GPI: variants seen among roughly 807,000 people sequenced by gnomAD.
The protein encoded by GPI is D-hexose-6-phosphate anomerase.
A neutral mutation model predicts 75.8 loss-of-function variants in GPI; 56 were observed. The observed-to-expected ratio is 0.74, with a 90% CI of 0.60 to 0.92. The LOEUF (loss-of-function observed/expected upper bound fraction) is 0.92. Among genes scored for constraint, GPI ranks in the 40% least tolerant of loss-of-function variants. GPI has a pLI of 0.00. For missense variants in GPI, 638 were observed against 741.0 expected (o/e 0.86, Z 1.61); for synonymous variants, 288 against 285.4 (o/e 1.01, Z -0.09).
At chr19:34,364,257 G>A (rs2074321889), upstream of GPI, among the ~76,000 whole-genome samples, 1 of 151,968 alleles carries the variant, frequency 6.6e-6, no homozygotes, top group Admixed American at 6.6e-5. Context: ...TTGAACTCCT[G>A]GCGTCAAGCT....
At chr19:34,369,088 G>A (rs959671485) in intron 4 of GPI, among the ~76,000 whole-genome samples, 5 of 148,642 alleles carry the variant, frequency 3.4e-5, no homozygotes, top group South Asian at 2.1e-4. Flanking sequence ...TCACTCTCTC[G>A]CCCAGAGTGG....
chr19:34,379,278 C>T (rs992802226), intron 7 of GPI, among the ~76,000 whole-genome samples: 2 of 152,214 alleles, frequency 1.3e-5, no homozygotes, highest in African/African-American at 4.8e-5. Context: ...CTTGGCCACA[C>T]CTATTTTATA....
At chr19:34,388,325 A>G (rs1030843631) in intron 9 of GPI, among the ~76,000 whole-genome samples, 3 of 152,178 alleles carry the variant, frequency 2.0e-5, no homozygotes, top group African/African-American at 7.2e-5. Context: ...AAATACAAAA[A>G]TTAGCCATGC....
chr19:34,381,455 T>G lies in GPI; in HGVS notation c.751-11T>G. The G allele has an allele frequency of 6.3e-7, 1 of 1,594,162 alleles. No individual in the cohort carries two copies. The highest frequency in any genetic ancestry group is 1.1e-5 in the South Asian group (1 of 90,576). ...CTTTGCATTTCTCTCCCTTTGTTTT[T>G]TTTTTTGTAGACCAAAGTGAAGGAG... On this transcript the variant is annotated splice_polypyrimidine_tract_variant and intron_variant, in intron 8 of 17. Coordinates refer to ENST00000356487, the MANE Select transcript of GPI (RefSeq NM_000175.5).
chr19:34,391,892 G>A (rs936958604), intron 9 of GPI, among the ~76,000 whole-genome samples: 4 of 5,612 alleles, frequency 7.1e-4, no homozygotes, highest in Admixed American at 3.4e-3. Flanking sequence ...CAATGTCTGA[G>A]GAGGCAGTAT....
chr19:34,383,286 G>C (rs8191399), intron 9 of GPI, among the ~76,000 whole-genome samples: 6,306 of 152,314 alleles, frequency 0.041, 191 homozygotes, highest in Admixed American at 0.11. Flanking sequence ...AGCCAGGACA[G>C]GAGAGGGACC....
chr19:34,386,781 G>A (rs190050043), intron 9 of GPI, among the ~76,000 whole-genome samples: 2 of 152,328 alleles, frequency 1.3e-5, no homozygotes, highest in South Asian at 4.1e-4. Context: ...GGTCTTGCAG[G>A]TGAGGTCATT....
At chr19:34,386,463 C>T (rs2074736629) in intron 9 of GPI, among the ~76,000 whole-genome samples, 1 of 152,078 alleles carries the variant, frequency 6.6e-6, no homozygotes, top group Non-Finnish European at 1.5e-5. Context: ...ACTGGTCTGC[C>T]AGGAGTAGTC....
At chr19:34,363,615 A>G (rs965383140), upstream of GPI, among the ~76,000 whole-genome samples, 10 of 152,144 alleles carry the variant, frequency 6.6e-5, no homozygotes, top group Non-Finnish European at 1.3e-4. Context: ...AGGTCAAGAG[A>G]TTGAGACCAT....
chr19:34,399,545 G>A lies in GPI; in HGVS notation c.1399-11G>A, dbSNP rs1159533394. On this transcript the variant is annotated splice_polypyrimidine_tract_variant and intron_variant, in intron 15 of 17. Transcript: ENST00000356487. ...GACTCTCTTGGAGACATTCCTTGGTGTTTTCTGCAGGTCTTTGAAGGAAAT... is the reference window on the plus strand; with the variant it reads ...GACTCTCTTGGAGACATTCCTTGGTATTTTCTGCAGGTCTTTGAAGGAAAT... 1.2e-6 allele frequency: 2 copies of A among 1,613,564 alleles called. No individual in the cohort carries two copies.
upstream of GPI, among the ~76,000 whole-genome samples, chr19:34,361,437 G>A (rs1217421240): frequency 1.3e-5 from 2 of 152,080 alleles, no homozygotes; most frequent in Admixed American, 1.3e-4. Flanking sequence ...GAGGACAACA[G>A]GGTATCCTTC....
rs1303466885 is a variant in GPI, at chr19:34,396,656, A to AG, written c.1269+1dup. On this transcript the variant is annotated frameshift_variant and splice_region_variant, in exon 14 of 18. Transcript: ENST00000356487. LOFTEE classifies it high-confidence loss of function. The stretch of plus-strand genomic sequence containing the variant: ...CCCATACGGAAGGGTCTGCATCACA[A>AG]GGTAAGAGCCCCCATCTGGCCCCAT... The AG allele has an allele frequency of 6.2e-7, 1 of 1,613,654 alleles. No homozygotes were observed. Among genetic ancestry groups the AG allele is most frequent in the Non-Finnish European group, 8.5e-7 (1 of 1,179,734 alleles).
chr19:34,372,591 A>G (rs1440173142), intron 4 of GPI, among the ~76,000 whole-genome samples: 7 of 152,130 alleles, frequency 4.6e-5, no homozygotes, highest in Admixed American at 4.6e-4. Context: ...GCAGTGAGCT[A>G]TGATCATACT....
At chr19:34,391,280 C>A (rs796330586) in intron 9 of GPI, among the ~76,000 whole-genome samples, 5 of 2,026 alleles carry the variant, frequency 2.5e-3, no homozygotes, top group East Asian at 0.011. Context: ...TGGGTCTGTC[C>A]ATGTCTAAGG....
At position 34,399,604 on chromosome 19, in the gene GPI, A is replaced by T; in HGVS notation, c.1447A>T (p.Thr483Ser). The T allele has an allele frequency of 6.2e-7, 1 of 1,614,024 alleles. No individual in the cohort carries two copies. Among genetic ancestry groups the T allele is most frequent in the South Asian group, 1.1e-5 (1 of 91,066 alleles). ...CAACTCTATTGTGTTCACCAAGCTC[A>T]CACCATTCATGCTTGGAGCCTTGGT... ...PTNSIVFTKL[T>S]PFMLGALVAM... The change falls in exon 16 of 18, where the codon ACA becomes TCA. Residue 483 changes from threonine (T) to serine (S), a missense_variant. Coordinates refer to ENST00000356487, the MANE Select transcript of GPI (RefSeq NM_000175.5).
Position 34,393,848 on chromosome 19 carries a change from C to T in GPI, c.910-66C>T, listed in dbSNP as rs977647492. 6.2e-7 allele frequency: 1 copy of T among 1,604,850 alleles called. No homozygotes were observed. The highest frequency in any genetic ancestry group is 1.3e-5 in the African/African-American group (1 of 74,744). On this transcript the variant is annotated intron_variant, in intron 11 of 17. Transcript: ENST00000356487. This position sits in a 1 kb window ranked among gnomAD's most constrained non-coding sequence, Gnocchi z 4.4. ...TGGTCCTGGTCCCCCGCTTTCTCCCCCACTGTCCTGTCCCTCCCCTCCCCG... is the reference window on the plus strand; with the variant it reads ...TGGTCCTGGTCCCCCGCTTTCTCCCTCACTGTCCTGTCCCTCCCCTCCCCG...
Position 34,379,782 on chromosome 19 carries a change from T to A in GPI, c.750+220T>A, listed in dbSNP as rs8191384. On this transcript the variant is annotated intron_variant, in intron 8 of 17. Coordinates refer to ENST00000356487, the MANE Select transcript of GPI (RefSeq NM_000175.5). Reference sequence around the variant, plus strand: ...GGAGGGAGGCTTGGAGTCAGTGGGATCACGATAACCCCTTCTTCCGTCTCC... The same window carrying A: ...GGAGGGAGGCTTGGAGTCAGTGGGAACACGATAACCCCTTCTTCCGTCTCC... 4.5e-4 allele frequency: 297 copies of A among 655,284 alleles called. No homozygotes were observed. In the African/African-American group the frequency reaches 4.9e-3, roughly 11 times the overall value. 40.6% of individuals were successfully genotyped at this position (655,284 alleles called of 1,614,324 possible).
chr19:34,366,486 G>C (rs2074367542), intron 2 of GPI, 51 bp downstream of exon 2: 1 of 1,298,264 alleles, frequency 7.7e-7, no homozygotes, highest in Non-Finnish European at 1.1e-6. Flanking sequence ...AGTGGTGGGT[G>C]AGCTGGGCTC....
intron 4 of GPI, among the ~76,000 whole-genome samples, chr19:34,369,423 C>T (rs2074416796): frequency 6.6e-6 from 1 of 152,090 alleles, no homozygotes; most frequent in Non-Finnish European, 1.5e-5. Flanking sequence ...TTCCTCAACC[C>T]TGGCTGGGCG....
Sources: gnomAD v4.1 joint callset for allele counts (sites outside exome capture counted in the v4.1 genomes callset) on GRCh38, gnomAD v4.1.1 for gene constraint, Gnocchi (gnomAD v3.1) non-coding constraint, MANE v1.5 for transcripts, NCBI Gene and HGNC (gene_info 2026-07-23, HGNC 2026-07-21) for gene names.